WWOX: variants seen among roughly 807,000 people sequenced by gnomAD.
WWOX encodes WW domain-containing oxidoreductase.
In WWOX, 69 loss-of-function variants were observed where a neutral mutation model predicts 46.2. That is an observed-to-expected ratio of 1.49 (90% CI 1.23 to 1.82). WWOX has a LOEUF of 1.82. Ranked by LOEUF, WWOX falls within the 40% of genes most tolerant of loss-of-function variation. The probability of loss-of-function intolerance (pLI) is 0.00; values close to 1 mark genes in which losing one functional copy is unlikely to be tolerated. For missense variants in WWOX, 919 were observed against 542.6 expected (o/e 1.69, Z -6.89); for synonymous variants, 359 against 202.6 (o/e 1.77, Z -6.56).
chr16:78,795,067 G>A (rs2050702102), intron 8 of WWOX, among the ~76,000 whole-genome samples: 1 of 152,170 alleles, frequency 6.6e-6, no homozygotes, highest in Non-Finnish European at 1.5e-5. Flanking sequence ...TTGGACGTTG[G>A]TGCTTAAGCA....
At position 78,818,869 on chromosome 16, in the gene WWOX, AG is replaced by A. The variant is rs1296299650; in HGVS notation, c.1056+386118del. ...TTGGCAGAAATTCGTTAGCACTGAG[AG>A]AGGGAATGTAAAGTGGAGGTTAAGT... On this transcript the variant is annotated intron_variant, in intron 8 of 8. Coordinates refer to ENST00000566780, the MANE Select transcript of WWOX (RefSeq NM_016373.4). Among the ~76,000 whole-genome samples, 9 of 152,294 alleles carry A rather than the reference AG, an allele frequency of 5.9e-5. No homozygotes were observed. In the East Asian group the frequency reaches 1.7e-3, roughly 29 times the overall value.
chr16:78,672,116 G>C (rs2047478857), intron 8 of WWOX, among the ~76,000 whole-genome samples: 1 of 152,134 alleles, frequency 6.6e-6, no homozygotes, highest in Non-Finnish European at 1.5e-5. Flanking sequence ...AAAAGTTTAG[G>C]ATACCGGCAG....
At position 78,116,181 on chromosome 16, in the gene WWOX, A is replaced by G. The variant is rs143786656; in HGVS notation, c.409+1027A>G. 7.6e-3 allele frequency among the ~76,000 whole-genome samples: 1,161 copies of G among 152,286 alleles called. 5 individuals are homozygous for G. The highest frequency in any genetic ancestry group is 0.011 in the Non-Finnish European group (730 of 68,038). On this transcript the variant is annotated intron_variant, in intron 4 of 8. Coordinates refer to ENST00000566780, the MANE Select transcript of WWOX (RefSeq NM_016373.4). ...GTTATACCCTTTTAGATATTTTACA[A>G]TGTGCAATTAAGTTATTATTAACTA... is the stretch of plus-strand genomic sequence containing the variant.
At chr16:78,379,729 C>A (rs540581335) in intron 5 of WWOX, among the ~76,000 whole-genome samples, 2 of 152,152 alleles carry the variant, frequency 1.3e-5, no homozygotes, top group Non-Finnish European at 2.9e-5. Flanking sequence ...CTCACTGATA[C>A]CCTCCCAGCT....
intron 8 of WWOX, among the ~76,000 whole-genome samples, chr16:78,695,394 T>C (rs1301060750): frequency 6.6e-6 from 1 of 152,224 alleles, no homozygotes; most frequent in Non-Finnish European, 1.5e-5. Flanking sequence ...TTTGCTCCTC[T>C]TGCCCTATTT....
chr16:79,151,232 G>A (rs1448913961), intron 8 of WWOX, among the ~76,000 whole-genome samples: 7 of 152,116 alleles, frequency 4.6e-5, no homozygotes, highest in Non-Finnish European at 8.8e-5. Context: ...TTGAAATCTG[G>A]AACATTCTTT....
chr16:78,865,475 A>T (rs984056607), intron 8 of WWOX, among the ~76,000 whole-genome samples: 1 of 152,162 alleles, frequency 6.6e-6, no homozygotes, highest in Non-Finnish European at 1.5e-5. Context: ...GACAATTTCA[A>T]ATGCTCCCTG....
At chr16:78,309,205 T>G (rs2080188765) in intron 5 of WWOX, among the ~76,000 whole-genome samples, 1 of 152,198 alleles carries the variant, frequency 6.6e-6, no homozygotes. Context: ...TGTAATTGAA[T>G]CATATACTCC....
intron 8 of WWOX, among the ~76,000 whole-genome samples, chr16:79,058,151 C>T (rs1033059730): frequency 1.6e-4 from 24 of 149,496 alleles, no homozygotes; most frequent in African/African-American, 5.7e-4. Context: ...ACTCCTTCTT[C>T]ATTTGTTATA....
intron 8 of WWOX, among the ~76,000 whole-genome samples, chr16:78,822,828 T>C (rs2151146039): frequency 6.6e-6 from 1 of 151,956 alleles, no homozygotes; most frequent in African/African-American, 2.4e-5. Flanking sequence ...AATTGAAAGG[T>C]AATTCCTAAA....
At chr16:78,647,237 A>G (rs1017804929) in intron 8 of WWOX, among the ~76,000 whole-genome samples, 1 of 152,104 alleles carries the variant, frequency 6.6e-6, no homozygotes, top group Non-Finnish European at 1.5e-5. Context: ...ATGGATCAGG[A>G]CAGAGGGCAG....
chr16:78,540,807 C>T (rs2043874144), intron 8 of WWOX, among the ~76,000 whole-genome samples: 1 of 152,140 alleles, frequency 6.6e-6, no homozygotes, highest in Non-Finnish European at 1.5e-5. Context: ...CCACCTCAGC[C>T]TGAGTAGATG....
At chr16:79,208,046 G>A (rs1198019979) in intron 8 of WWOX, among the ~76,000 whole-genome samples, 3 of 152,182 alleles carry the variant, frequency 2.0e-5, no homozygotes. Context: ...TGTAGTTGAA[G>A]ATTGTGCTGC....
intron 8 of WWOX, among the ~76,000 whole-genome samples, chr16:78,880,853 G>T (rs2044327745): frequency 6.6e-6 from 1 of 152,252 alleles, no homozygotes; most frequent in South Asian, 2.1e-4. Flanking sequence ...ACGATTCAGA[G>T]AAATGCTCTG....
chr16:78,996,258 C>T (rs2046985271), intron 8 of WWOX: 3 of 985,002 alleles, frequency 3.0e-6, no homozygotes, highest in Middle Eastern at 5.2e-4. Flanking sequence ...AGAGCTGAGC[C>T]AGACCCCTTT....
At chr16:78,407,418 C>T (rs1368501683) in intron 6 of WWOX, among the ~76,000 whole-genome samples, 2 of 152,120 alleles carry the variant, frequency 1.3e-5, no homozygotes. Flanking sequence ...ATTGAATCCC[C>T]CAAAGCCACA....
At chr16:78,698,646 A>G (rs763980965) in intron 8 of WWOX, among the ~76,000 whole-genome samples, 1 of 152,202 alleles carries the variant, frequency 6.6e-6, no homozygotes, top group Admixed American at 6.5e-5. Flanking sequence ...CAAACTTCCC[A>G]AGAATGTAAT....
chr16:78,600,561 A>G (rs1039328968), intron 8 of WWOX, among the ~76,000 whole-genome samples: 13 of 152,284 alleles, frequency 8.5e-5, no homozygotes, highest in Admixed American at 2.0e-4. Context: ...AGGGATCATC[A>G]TCATTTTGTG....
intron 8 of WWOX, among the ~76,000 whole-genome samples, chr16:78,702,007 T>TTATATATATGTATATATATATATATA (rs1555519490): frequency 1.4e-4 from 8 of 57,626 alleles, no homozygotes; most frequent in African/African-American, 5.2e-4. Context: ...CTACATAAAA[T>TTATATATATGTATATATATATATATA]TATATATATA....
Sources: allele counts gnomAD v4.1 joint callset (sites outside exome capture counted in the v4.1 genomes callset), GRCh38; gene constraint gnomAD v4.1.1; transcripts MANE v1.5; gene names NCBI Gene and HGNC (gene_info 2026-07-23, HGNC 2026-07-21).